The following NACA variants were observed in gnomAD, a reference collection of about 807,000 sequenced individuals.
NACA encodes the protein nascent polypeptide associated complex subunit alpha, also known as nascent polypeptide-associated complex subunit alpha.
A neutral mutation model predicts 86.4 loss-of-function variants in NACA; 42 were observed. The observed-to-expected ratio is 0.49, with a 90% CI of 0.38 to 0.63. The LOEUF is 0.63. NACA is among the 20% of genes least tolerant of loss of function. The pLI is 0.00. For synonymous variants in NACA, 898 were observed against 973.7 expected (o/e 0.92, Z 1.45); for missense variants, 2,157 against 2,483.6 (o/e 0.87, Z 2.80).
At position 56,719,986 on chromosome 12, in the gene NACA, A is replaced by C; in HGVS notation, c.1544T>G (p.Leu515Arg). 6.2e-7 allele frequency: 1 copy of C among 1,613,662 alleles called. No individual in the cohort carries two copies. Among genetic ancestry groups the C allele is most frequent in the South Asian group, 1.1e-5 (1 of 91,072 alleles). ...VSPPLPDPED[L>R]KNLPSSVLVK... ...CAATACTGAACTGGGGAGATTTTTG[A>C]GGTCTTCAGGGTCTGGCAGAGGAGG... The change falls in exon 3 of 9, where the codon CTC becomes CGC. Residue 515 changes from leucine (L) to arginine (R), a missense_variant. Leu to Arg is a moderately radical substitution (Grantham distance 102, BLOSUM62 -2). This residue lies in a region of NACA where 947 missense variants were observed against 917.9 expected (regional missense o/e 1.03). Coordinates refer to ENST00000454682, the MANE Select transcript of NACA (RefSeq NM_001365896.1).
chr12:56,714,198 T>C (rs1368525960), intron 5 of NACA, 164 bp downstream of exon 5: 14 of 646,224 alleles, frequency 2.2e-5, no homozygotes, highest in Non-Finnish European at 3.5e-5. Flanking sequence ...GGGTTCAGTG[T>C]ATACTGCTTG....
chr12:56,714,837 A>G, intron 3 of NACA, 150 bp from the exon 4 acceptor site: 1 of 688,182 alleles, frequency 1.5e-6, no homozygotes, highest in East Asian at 2.7e-5. Flanking sequence ...AGTCAGCTTG[A>G]TAGCCCCTAA....
chr12:56,713,232 GT>G, intron 6 of NACA, 42 bp from the exon 7 acceptor site: 1 of 1,601,504 alleles, frequency 6.2e-7, no homozygotes, highest in African/African-American at 1.3e-5. Context: ...TAGATTAGCA[GT>G]CTTTGAAAAA....
In NACA at chr12:56,720,734, G is replaced by T; in HGVS notation, c.796C>A (p.Leu266Met). The change falls in exon 3 of 9, where the codon CTG (leucine) becomes ATG (methionine). Residue 266 changes from leucine (L) to methionine (M), a missense_variant. Around this residue, in one of 8 missense-constraint regions of NACA, gnomAD observed 947 missense variants for 917.9 expected, o/e 1.03. Coordinates refer to ENST00000454682, the MANE Select transcript of NACA (RefSeq NM_001365896.1). ...ISPQNPGSLS[L>M]KGPVSPPAAL... ...GCAGGTGGACTAACAGGCCCCTTCA[G>T]GCTGAGGCTTCCTGGGTTTTGTGGA... 3.1e-6 allele frequency: 5 copies of T among 1,613,976 alleles called. No homozygotes were observed. The highest frequency in any genetic ancestry group is 3.4e-6 in the Non-Finnish European group (4 of 1,179,902).
chr12:56,713,992 A>AC (rs933937714), intron 5 of NACA: 1 of 397,888 alleles, frequency 2.5e-6, no homozygotes, highest in Non-Finnish European at 4.6e-6. Context: ...CAGGAGCGTT[A>AC]CCACCATGCC....
At chr12:56,724,715 G>A (rs1385553581) in intron 1 of NACA, 192 bp from the exon 2 acceptor site, 9 of 586,900 alleles carry the variant, frequency 1.5e-5, no homozygotes, top group African/African-American at 5.7e-5. Flanking sequence ...CCTCTATCAA[G>A]GCCAGCAATT....
rs1389939980 is a variant in NACA at position 56,719,058 on chromosome 12, G to A, written c.2472C>T (p.Leu824=). 6.9e-6 allele frequency: 10 copies of A among 1,449,092 alleles called. No homozygotes were observed. Among genetic ancestry groups the A allele is most frequent in the Admixed American group, 1.8e-5 (1 of 54,954 alleles). 89.8% of individuals were successfully genotyped at this position (1,449,092 alleles called of 1,614,324 possible). ...SAGPDTPIGN[L]SSPVSPVEAS... is the part of the protein sequence containing the mutation. ...CTTCAACTGGAGAAACAGGGGATGAGAGATTTCCAATAGGAGTATCAGGGC... is the reference window on the plus strand; with the variant it reads ...CTTCAACTGGAGAAACAGGGGATGAAAGATTTCCAATAGGAGTATCAGGGC... The change falls in exon 3 of 9, where the codon CTC becomes CTT. Residue 824 remains leucine (L), a synonymous_variant. Transcript: ENST00000454682.
intron 5 of NACA, 197 bp from the exon 6 acceptor site, chr12:56,713,880 C>T (rs961002372): frequency 3.6e-5 from 21 of 576,042 alleles, no homozygotes; most frequent in Non-Finnish European, 5.4e-5. Flanking sequence ...CTTGCTCTGT[C>T]GCCCAGGCTG....
At chr12:56,714,146 A>G (rs1212792668) in intron 5 of NACA, 1 of 544,712 alleles carries the variant, frequency 1.8e-6, no homozygotes, top group East Asian at 3.2e-5. Flanking sequence ...CAACCTAGCT[A>G]CTTCTGTTAC....
Position 56,720,968 on chromosome 12 carries a change from G to T in NACA, c.562C>A (p.Leu188Ile). 6.2e-7 allele frequency: 1 copy of T among 1,613,990 alleles called. No individual in the cohort carries two copies. The highest frequency in any genetic ancestry group is 8.5e-7 in the Non-Finnish European group (1 of 1,179,886). The change falls in exon 3 of 9, where the codon CTT becomes ATT. Residue 188 changes from leucine to isoleucine, a missense_variant. Leu to Ile is a conservative substitution (Grantham distance 5). Around this residue, in one of 8 missense-constraint regions of NACA, gnomAD observed 947 missense variants for 917.9 expected, o/e 1.03. Transcript: ENST00000454682. ...PIAPSEPKTN[L>I]NKVPSEVVPN... ...ACTACCTCAGAGGGAACTTTATTAA[G>T]ATTAGTCTTTGGTTCTGAGGGAGCA...
At chr12:56,714,224 A>G in intron 5 of NACA, 138 bp downstream of exon 5, 1 of 801,184 alleles carries the variant, frequency 1.2e-6, no homozygotes, top group South Asian at 1.7e-5. Flanking sequence ...CAGGTGCACC[A>G]AAATCTCAAA....
intron 2 of NACA, 117 bp from the exon 3 acceptor site, chr12:56,721,576 C>T: frequency 1.6e-6 from 1 of 613,700 alleles, no homozygotes; most frequent in Non-Finnish European, 2.7e-6. Flanking sequence ...TAAAATCTGA[C>T]AGTCTAAGTC....
Position 56,719,028 on chromosome 12 carries a change from T to G in NACA, c.2502A>C (p.Ser834=). Residue 834 remains serine, a synonymous_variant, in exon 3 of 9, where the codon TCA becomes TCC. Coordinates refer to ENST00000454682, the MANE Select transcript of NACA (RefSeq NM_001365896.1). ...AAGAAAGACTATTCTCTGGAAGAAA[T>G]GAAGCTTCAACTGGAGAAACAGGGG... The part of the protein sequence containing the change: ...LSSPVSPVEA[S]FLPENSLSFQ... 1 of 1,447,828 alleles carries G rather than the reference T, an allele frequency of 6.9e-7. No individual in the cohort carries two copies. The highest frequency in any genetic ancestry group is 1.4e-5 in the African/African-American group (1 of 71,594). The allele number at this position is 1,447,828 out of a possible 1,614,324, so 89.7% of individuals were successfully genotyped here. A position where few individuals can be genotyped will look rare whatever the true frequency, so the allele number is the denominator to read the frequency against.
chr12:56,712,535 T>C lies in NACA; in HGVS notation c.*3A>G, dbSNP rs1427729655. The stretch of plus-strand genomic sequence containing the variant: ...GACACCAAAAAAAGTTGCTTCCATA[T>C]GGTTACATTGTTAATTCCTGTAACA... On this transcript the variant is annotated 3_prime_UTR_variant, in exon 9 of 9. Coordinates refer to ENST00000454682, the MANE Select transcript of NACA (RefSeq NM_001365896.1). 6.2e-7 allele frequency: 1 copy of C among 1,613,642 alleles called. No individual in the cohort carries two copies. Among genetic ancestry groups the C allele is most frequent in the South Asian group, 1.1e-5 (1 of 91,002 alleles).
intron 4 of NACA, 80 bp downstream of exon 4, chr12:56,714,522 G>A: frequency 6.2e-7 from 1 of 1,602,246 alleles, no homozygotes; most frequent in Admixed American, 1.7e-5. Context: ...CTTTATGAAG[G>A]TTCACAGTTC....
rs746681617 is a variant in NACA at position 56,721,344 on chromosome 12, G to A, written c.186C>T (p.Asn62=). The stretch of plus-strand genomic sequence containing the variant: ...AGGGGGAAGGGAATGGGGAAGCCTG[G>A]TTAGCAGCTGAGAGAGGGCACTGTT... ...APQQCPLSAA[N]QASPFPSPST... is the part of the protein sequence containing the mutation. Residue 62 remains asparagine, a synonymous_variant, in exon 3 of 9, where the codon AAC becomes AAT. Transcript: ENST00000454682. 1 of 1,608,796 alleles carries A rather than the reference G, an allele frequency of 6.2e-7. No individual in the cohort carries two copies. The highest frequency in any genetic ancestry group is 8.5e-7 in the Non-Finnish European group (1 of 1,177,798).
In NACA at chr12:56,712,557, AAC is replaced by A; in HGVS notation, c.6223-7_6223-6del. 6.2e-7 allele frequency: 1 copy of A among 1,613,656 alleles called. No homozygotes were observed. Among genetic ancestry groups the A allele is most frequent in the Non-Finnish European group, 8.5e-7 (1 of 1,179,740 alleles). On this transcript the variant is annotated splice_region_variant and splice_polypyrimidine_tract_variant and intron_variant, in intron 8 of 8. Transcript: ENST00000454682. ...ATATGGTTACATTGTTAATTCCTGT[AAC>A]AGAGAAAAGATAATTAGCGGTTCTT...
rs562614564 is a variant in NACA, at chr12:56,718,198, G to A, written c.3332C>T (p.Pro1111Leu). The change falls in exon 3 of 9, where the codon CCC becomes CTC. Residue 1111 changes from proline (P) to leucine (L), a missense_variant. Around this residue, in one of 8 missense-constraint regions of NACA, gnomAD observed 124 missense variants for 186.5 expected, o/e 0.66. Transcript: ENST00000454682. ...GGTAGCTAGACCTCCTTTTGGGGAG[G>A]GAGGAGTTGCAGCTGGGGGCATGGG... is the stretch of plus-strand genomic sequence containing the variant. ...GAPMPPAATP[P>L]SPKGGLATPP... 21 of 1,108,714 alleles carry A rather than the reference G, an allele frequency of 1.9e-5. No individual in the cohort carries two copies. The East Asian group carries it at 9.9e-4, about 52-fold the overall frequency. 68.7% of individuals were successfully genotyped at this position (1,108,714 alleles called of 1,614,324 possible).
At chr12:56,721,689 C>T (rs1173359962) in intron 2 of NACA, among the ~76,000 whole-genome samples, 5 of 152,184 alleles carry the variant, frequency 3.3e-5, no homozygotes, top group African/African-American at 7.2e-5. Flanking sequence ...CTCACACTTC[C>T]CCAAGTTCTA....
Sources: gnomAD v4.1 joint callset for allele counts (sites outside exome capture counted in the v4.1 genomes callset) on GRCh38, gnomAD v4.1.1 for gene constraint, gnomAD v4.1.1 regional missense constraint, MANE v1.5 for transcripts, NCBI Gene and HGNC (gene_info 2026-07-23, HGNC 2026-07-21) for gene names.